The following USH2A variants were observed in gnomAD, a reference collection of about 807,000 sequenced individuals.
USH2A encodes the protein usherin.
USH2A carries 443 observed loss-of-function variants against 538.9 expected under a neutral mutation model. The observed-to-expected ratio is 0.82, with a 90% CI of 0.76 to 0.89. USH2A has a LOEUF of 0.89. USH2A is among the 40% of genes least tolerant of loss of function. The pLI is 0.00. For synonymous variants in USH2A, 2,413 were observed against 2,273.5 expected, an observed-to-expected ratio of 1.06 and a Z score of -1.75; for missense variants, 6,633 against 6,324.8, an observed-to-expected ratio of 1.05 and a Z score of -1.65.
chr1:215,690,375 C>T (rs1658562099), intron 61 of USH2A, among the ~76,000 whole-genome samples: 1 of 152,192 alleles, frequency 6.6e-6, no homozygotes, highest in South Asian at 2.1e-4. Flanking sequence ...CTCCCCAAAT[C>T]TTCACTTTCC....
chr1:216,368,862 C>T (rs2038649142), intron 3 of USH2A, among the ~76,000 whole-genome samples: 1 of 152,128 alleles, frequency 6.6e-6, no homozygotes, highest in Non-Finnish European at 1.5e-5. Context: ...AACTTAGAAG[C>T]TTCCCAGGAA....
chr1:215,996,560 G>GTTTTTTTTTTTTTTTTTTTTTTTTTTTT (rs753233925), intron 34 of USH2A, among the ~76,000 whole-genome samples: 1 of 51,696 alleles, frequency 1.9e-5, no homozygotes, highest in African/African-American at 9.3e-5. Context: ...AACATATTAT[G>GTTTTTTTTTTTTTTTTTTTTTTTTTTTT]TTTTTTTTTT....
At chr1:216,350,203 T>C (rs2102689456) in intron 4 of USH2A, among the ~76,000 whole-genome samples, 1 of 152,096 alleles carries the variant, frequency 6.6e-6, no homozygotes, top group South Asian at 2.1e-4. Context: ...TCCAATCATC[T>C]CCCACCAGGT....
intron 21 of USH2A, among the ~76,000 whole-genome samples, chr1:216,103,968 A>G (rs1341513834): frequency 6.6e-6 from 1 of 152,180 alleles, no homozygotes; most frequent in East Asian, 1.9e-4. Context: ...AAATTAAACA[A>G]TCATTTTGGA....
intron 13 of USH2A, among the ~76,000 whole-genome samples, chr1:216,240,129 G>A (rs543535668): frequency 2.0e-5 from 3 of 151,864 alleles, no homozygotes; most frequent in Non-Finnish European, 4.4e-5. Flanking sequence ...ATTTATTCAA[G>A]TTGTGTAACT....
intron 21 of USH2A, among the ~76,000 whole-genome samples, chr1:216,143,038 GTC>G (rs1362448266): frequency 1.3e-5 from 2 of 151,886 alleles, no homozygotes; most frequent in Non-Finnish European, 2.9e-5. Flanking sequence ...ACATTCTCAC[GTC>G]TCTCAGCCTT....
At chr1:215,912,502 TATATATATAC>T in intron 38 of USH2A, among the ~76,000 whole-genome samples, 2 of 20,388 alleles carry the variant, frequency 9.8e-5, no homozygotes, top group African/African-American at 3.6e-4. Context: ...TGTATATATA[TATATATATAC>T]GTGTATATAT....
At chr1:215,677,234 C>T (rs944973089) in intron 62 of USH2A, among the ~76,000 whole-genome samples, 1 of 152,166 alleles carries the variant, frequency 6.6e-6, no homozygotes, top group East Asian at 1.9e-4. Flanking sequence ...CTACTGAAGG[C>T]CACCTAAGCG....
chr1:215,677,017 A>G (rs993657219), intron 62 of USH2A, among the ~76,000 whole-genome samples: 2 of 152,074 alleles, frequency 1.3e-5, no homozygotes, highest in African/African-American at 4.8e-5. Context: ...TGATTATTTC[A>G]TATTTCTTCC....
chr1:216,331,043 T>G (rs1373300709), intron 4 of USH2A, among the ~76,000 whole-genome samples: 1 of 152,078 alleles, frequency 6.6e-6, no homozygotes, highest in African/African-American at 2.4e-5. Context: ...ATTTTGGAGC[T>G]TGCAATCATA....
chr1:216,110,500 T>C (rs998362314), intron 21 of USH2A, among the ~76,000 whole-genome samples: 2 of 152,208 alleles, frequency 1.3e-5, no homozygotes, highest in Admixed American at 1.3e-4. Flanking sequence ...TCAGTTCCAT[T>C]AACTTGCCTT....
intron 36 of USH2A, among the ~76,000 whole-genome samples, chr1:215,968,268 G>A (rs1451716172): frequency 6.6e-6 from 1 of 151,974 alleles, no homozygotes; most frequent in Non-Finnish European, 1.5e-5. Flanking sequence ...ATTTCCATAA[G>A]AGTCAAATAC....
intron 11 of USH2A, among the ~76,000 whole-genome samples, chr1:216,285,417 A>C (rs1485660561): frequency 1.3e-5 from 2 of 152,222 alleles, no homozygotes; most frequent in African/African-American, 4.8e-5. Flanking sequence ...GAGGTTTGGG[A>C]ACTTCCGCCT....
intron 38 of USH2A, among the ~76,000 whole-genome samples, chr1:215,920,928 A>T (rs1666082775): frequency 6.6e-6 from 1 of 151,996 alleles, no homozygotes; most frequent in South Asian, 2.1e-4. Context: ...ACATACTCAT[A>T]CTGTTCACAT....
chr1:216,381,670 A>C (rs2038924811), intron 3 of USH2A, among the ~76,000 whole-genome samples: 1 of 152,202 alleles, frequency 6.6e-6, no homozygotes, highest in South Asian at 2.1e-4. Flanking sequence ...CTAATCTCCA[A>C]AGTAGTAATG....
rs115884084 is a variant in USH2A, at chr1:215,675,466, A to G, written c.12445T>C (p.Trp4149Arg). 2,757 of 1,614,074 alleles carry G rather than the reference A, an allele frequency of 1.7e-3. 44 individuals are homozygous for G. The African/African-American group carries it at 0.031, about 18-fold the overall frequency. ...GCAHSAPQPL[W>R]TDEAPPDSQL... ...GAGTCTGGAGGGGCTTCATCTGTCC[A>G]CAGAGGCTGAGGCGCCGAGTGTGCA... The change falls in exon 63 of 72, where the codon TGG becomes CGG. Residue 4149 changes from tryptophan (W) to arginine (R), a missense_variant. Transcript: ENST00000307340.
chr1:216,413,241 T>C (rs2039521670), intron 3 of USH2A, among the ~76,000 whole-genome samples: 1 of 151,840 alleles, frequency 6.6e-6, no homozygotes, highest in Non-Finnish European at 1.5e-5. Flanking sequence ...CAATGATATA[T>C]TAAAGAAATA....
At chr1:215,990,229 C>T (rs948942052) in intron 35 of USH2A, among the ~76,000 whole-genome samples, 13 of 152,114 alleles carry the variant, frequency 8.5e-5, no homozygotes, top group African/African-American at 2.2e-4. Flanking sequence ...AATGCAAGAT[C>T]GGTATTCTCA....
At chr1:216,260,571 T>C (rs1363986509) in intron 11 of USH2A, among the ~76,000 whole-genome samples, 3 of 152,098 alleles carry the variant, frequency 2.0e-5, no homozygotes, top group Non-Finnish European at 4.4e-5. Context: ...TCACAACAAA[T>C]TACCCAGCCC....
Sources: allele counts gnomAD v4.1 joint callset (sites outside exome capture counted in the v4.1 genomes callset), GRCh38; gene constraint gnomAD v4.1.1; transcripts MANE v1.5; gene names NCBI Gene and HGNC (gene_info 2026-07-23, HGNC 2026-07-21).